MRPL47: variants seen among roughly 807,000 people sequenced by gnomAD.
The protein encoded by MRPL47 is mitochondrial ribosomal protein L47.
MRPL47 carries 31 observed loss-of-function variants against 34.0 expected under a neutral mutation model. The ratio of observed to expected loss-of-function variants is 0.91; its 90% CI spans 0.68 to 1.23. The LOEUF (loss-of-function observed/expected upper bound fraction) is 1.23, where lower values mean the gene tolerates loss of function less well. Ranked by LOEUF, MRPL47 falls within the 50% of genes most tolerant of loss-of-function variation. The pLI, the probability that MRPL47 is intolerant of heterozygous loss-of-function variation, is 0.00. For synonymous variants in MRPL47, 106 were observed against 101.6 expected (o/e 1.04, Z -0.26); for missense variants, 328 against 285.8 (o/e 1.15, Z -1.07).
In MRPL47 at chr3:179,588,977, TC is replaced by T; in HGVS notation, c.647del (p.Arg216GlnfsTer11). 6.2e-7 allele frequency: 1 copy of T among 1,612,376 alleles called. No individual in the cohort carries two copies. The highest frequency in any genetic ancestry group is 1.7e-5 in the Admixed American group (1 of 59,602). On this transcript the variant is annotated frameshift_variant, in exon 7 of 7. Coordinates refer to ENST00000476781, the MANE Select transcript of MRPL47 (RefSeq NM_020409.3). LOFTEE classifies it high-confidence loss of function. ...TTTCCTTCCGTGCTTTGATGCGGGCTCGTTTCTCACGTTCCAGTCTAGAATA... is the reference window on the plus strand; with the variant it reads ...TTTCCTTCCGTGCTTTGATGCGGGCTGTTTCTCACGTTCCAGTCTAGAATA... Reference protein sequence around the residue: ...DHFLRLEREKRARIKARKENL... With the variant: ...DHFLRLEREKXARIKARKENL...
rs558523576 is a variant in MRPL47 at position 179,604,603 on chromosome 3, G to C, written c.22C>G (p.Leu8Val). The change falls in exon 1 of 7, where the codon CTT becomes GTT. Residue 8 changes from leucine to valine, a missense_variant. Coordinates refer to ENST00000476781, the MANE Select transcript of MRPL47 (RefSeq NM_020409.3). Reference protein sequence around the residue: MAAAGLALLCRRVSSALK... With the variant: MAAAGLAVLCRRVSSALK... ...GCGGATGAAACTCTCCTACAAAGAA[G>C]GGCCAAACCGGCCGCAGCCATGTTT... 27 of 1,614,226 alleles carry C rather than the reference G, an allele frequency of 1.7e-5. No homozygotes were observed. In the East Asian group the frequency reaches 5.6e-4, roughly 33 times the overall value.
intron 6 of MRPL47, among the ~76,000 whole-genome samples, chr3:179,592,226 A>T (rs1207903468): frequency 6.6e-6 from 1 of 151,764 alleles, no homozygotes; most frequent in Admixed American, 6.6e-5. Flanking sequence ...ACGGAGTCTC[A>T]CTCTGTCACC....
rs1343707737 is a variant in MRPL47 at position 179,588,501 on chromosome 3, C to A, written c.*371G>T. 5.5e-6 allele frequency: 1 copy of A among 181,540 alleles called. No individual in the cohort carries two copies. Among genetic ancestry groups the A allele is most frequent in the African/African-American group, 2.4e-5 (1 of 42,104 alleles). 11.2% of individuals were successfully genotyped at this position (181,540 alleles called of 1,614,324 possible). On this transcript the variant is annotated 3_prime_UTR_variant, in exon 7 of 7. Transcript: ENST00000476781. ...AGTCCTCCGTTTATTAACAGCAATA[C>A]CCACATCCTCTTCATAGCCTATTAA...
chr3:179,600,664 C>T (rs541296365), intron 3 of MRPL47, among the ~76,000 whole-genome samples: 11 of 151,956 alleles, frequency 7.2e-5, no homozygotes, highest in Non-Finnish European at 1.2e-4. Flanking sequence ...TAAAAAAAAG[C>T]AAATGTCTAC....
rs1173671193 is a variant in MRPL47, at chr3:179,598,755, CT to C, written c.321del (p.Glu108LysfsTer6). The C allele has an allele frequency of 1.2e-6, 2 of 1,610,138 alleles. No homozygotes were observed. Among genetic ancestry groups the C allele is most frequent in the Admixed American group, 3.3e-5 (2 of 59,952 alleles). On this transcript the variant is annotated frameshift_variant, in exon 4 of 7. Coordinates refer to ENST00000476781, the MANE Select transcript of MRPL47 (RefSeq NM_020409.3). LOFTEE classifies it high-confidence loss of function. The stretch of plus-strand genomic sequence containing the variant: ...TCTAGGGTTAGAAGCATGTTTCTTT[CT>C]TTCAGTAAGACATACCTATACAAAA... ...DLHKLWYVLL[K>X]ERNMLLTLEQ... is the part of the protein sequence containing the mutation.
In MRPL47 at chr3:179,598,803, A is replaced by G. The variant is rs975511342; in HGVS notation, c.306-32T>C. The G allele has an allele frequency of 5.7e-6, 8 of 1,394,126 alleles. No homozygotes were observed. The African/African-American group carries it at 1.1e-4, about 20-fold the overall frequency. The allele number at this position is 1,394,126 out of a possible 1,614,324, so 86.4% of individuals were successfully genotyped here. A position where few individuals can be genotyped will look rare whatever the true frequency, so the allele number is the denominator to read the frequency against. On this transcript the variant is annotated intron_variant, in intron 3 of 6. Coordinates refer to ENST00000476781, the MANE Select transcript of MRPL47 (RefSeq NM_020409.3). ...AAAAGAACACAAACCTTGTGATGCT[A>G]TTCTGTGGTTATGTTAATAAAGTTG...
chr3:179,601,147 C>T (rs1454909287), intron 3 of MRPL47, among the ~76,000 whole-genome samples: 1 of 152,220 alleles, frequency 6.6e-6, no homozygotes, highest in Non-Finnish European at 1.5e-5. Context: ...CACAGTGGCT[C>T]ATGCCTGTAA....
At chr3:179,596,438 C>T (rs1168072160) in intron 4 of MRPL47, among the ~76,000 whole-genome samples, 1 of 152,196 alleles carries the variant, frequency 6.6e-6, no homozygotes, top group African/African-American at 2.4e-5. Flanking sequence ...TCACTTTCAG[C>T]TTCTCTGGAG....
At chr3:179,600,555 T>C (rs1235226857) in intron 3 of MRPL47, among the ~76,000 whole-genome samples, 1 of 152,110 alleles carries the variant, frequency 6.6e-6, no homozygotes, top group Non-Finnish European at 1.5e-5. Context: ...GGCATGAGAA[T>C]TGCTTGAACC....
chr3:179,594,621 T>C (rs1299342520), intron 4 of MRPL47, among the ~76,000 whole-genome samples: 2 of 152,126 alleles, frequency 1.3e-5, no homozygotes, highest in African/African-American at 2.4e-5. Context: ...CAGCTGGGAT[T>C]ACAGGCACCT....
At position 179,593,777 on chromosome 3, in the gene MRPL47, C is replaced by T; in HGVS notation, c.521G>A (p.Gly174Glu). ...GTTAACTACATACCAGATGATTCTT[C>T]CAAAGATGTCTCTTCTCCAAGCACC... ...RPGAWRRDIFGRIIWHKFKQW... is the reference protein window; with the variant it reads ...RPGAWRRDIFERIIWHKFKQW... The change falls in exon 5 of 7, where the codon GGA (glycine) becomes GAA (glutamate). Residue 174 changes from glycine (G) to glutamate (E), a missense_variant. Gly to Glu is a moderately conservative substitution (Grantham distance 98, BLOSUM62 -2). Coordinates refer to ENST00000476781, the MANE Select transcript of MRPL47 (RefSeq NM_020409.3). 1 of 1,613,374 alleles carries T rather than the reference C, an allele frequency of 6.2e-7. No individual in the cohort carries two copies. Among genetic ancestry groups the T allele is most frequent in the Non-Finnish European group, 8.5e-7 (1 of 1,179,724 alleles).
At chr3:179,598,440 A>C (rs936819724) in intron 4 of MRPL47, among the ~76,000 whole-genome samples, 113 of 152,112 alleles carry the variant, frequency 7.4e-4, no homozygotes, top group Non-Finnish European at 1.4e-3. Context: ...AAAAAAAAAA[A>C]AACAAAAAAC....
intron 4 of MRPL47, among the ~76,000 whole-genome samples, chr3:179,595,912 T>C (rs968694442): frequency 8.5e-5 from 13 of 152,216 alleles, no homozygotes; most frequent in Non-Finnish European, 1.6e-4. Flanking sequence ...AGAATTAACA[T>C]TACAGAGTAG....
Position 179,604,621 on chromosome 3 carries a change from C to G in MRPL47, c.4G>C (p.Ala2Pro). 1 of 1,614,164 alleles carries G rather than the reference C, an allele frequency of 6.2e-7. No individual in the cohort carries two copies. The highest frequency in any genetic ancestry group is 8.5e-7 in the Non-Finnish European group (1 of 1,180,026). The change falls in exon 1 of 7, where the codon GCT becomes CCT. Residue 2 changes from alanine to proline, a missense_variant. By Grantham distance (27) the Ala-to-Pro change is conservative. Coordinates refer to ENST00000476781, the MANE Select transcript of MRPL47 (RefSeq NM_020409.3). Reference protein sequence around the residue: MAAAGLALLCRR... With the variant: MPAAGLALLCRR... ...CAAAGAAGGGCCAAACCGGCCGCAG[C>G]CATGTTTTCGCATAACTGGCAAAAC...
intron 2 of MRPL47, 55 bp downstream of exon 2, chr3:179,602,597 G>T (rs771008351): frequency 2.9e-6 from 2 of 694,636 alleles, no homozygotes; most frequent in Non-Finnish European, 4.2e-6. Context: ...GTTGGGCGGG[G>T]CGGGGGGGGG....
rs368616903 is a variant in MRPL47 at position 179,598,751 on chromosome 3, C to T, written c.326G>A (p.Arg109Lys). ...HKLWYVLLKERNMLLTLEQEA... is the reference protein window; with the variant it reads ...HKLWYVLLKEKNMLLTLEQEA... ...CTGCTCTAGGGTTAGAAGCATGTTT[C>T]TTTCTTTCAGTAAGACATACCTATA... is the stretch of plus-strand genomic sequence containing the variant. Residue 109 changes from arginine to lysine, a missense_variant, in exon 4 of 7, where the codon AGA becomes AAA. Arg to Lys is a conservative substitution (Grantham distance 26). Coordinates refer to ENST00000476781, the MANE Select transcript of MRPL47 (RefSeq NM_020409.3). 6.2e-7 allele frequency: 1 copy of T among 1,611,276 alleles called. No homozygotes were observed.
chr3:179,596,156 A>G (rs537937255), intron 4 of MRPL47, among the ~76,000 whole-genome samples: 1 of 152,332 alleles, frequency 6.6e-6, no homozygotes, highest in African/African-American at 2.4e-5. Context: ...TTGTGCCAGA[A>G]TTATATAATT....
At chr3:179,594,004 C>A in intron 4 of MRPL47, 109 bp from the exon 5 acceptor site, 1 of 989,552 alleles carries the variant, frequency 1.0e-6, no homozygotes, top group Non-Finnish European at 1.5e-6. Context: ...ATATTTATGC[C>A]AAAGAACCAC....
chr3:179,601,827 A>G (rs1372560648), intron 2 of MRPL47, 37 bp from the exon 3 acceptor site: 1 of 1,497,442 alleles, frequency 6.7e-7, no homozygotes, highest in Non-Finnish European at 9.3e-7. Flanking sequence ...TAACATTTCT[A>G]GCCATGTGCC....
Sources: allele counts gnomAD v4.1 joint callset (sites outside exome capture counted in the v4.1 genomes callset), GRCh38; gene constraint gnomAD v4.1.1; transcripts MANE v1.5; gene names NCBI Gene and HGNC (gene_info 2026-07-23, HGNC 2026-07-21).